The following EIF4ENIF1 variants were observed in gnomAD, a reference collection of about 807,000 sequenced individuals.
The protein encoded by EIF4ENIF1 is eukaryotic translation initiation factor 4E nuclear import factor 1, also known as eukaryotic translation initiation factor 4E transporter.
A neutral mutation model predicts 110.5 loss-of-function variants in EIF4ENIF1; 23 were observed. The observed-to-expected ratio is 0.21, with a 90% CI of 0.15 to 0.29. EIF4ENIF1 has a LOEUF of 0.29. Ranked by LOEUF, EIF4ENIF1 falls within the 10% of genes least tolerant of loss-of-function variation. The probability of loss-of-function intolerance (pLI) is 1.00; values close to 1 mark genes in which losing one functional copy is unlikely to be tolerated. For synonymous variants in EIF4ENIF1, 440 were observed against 437.0 expected (o/e 1.01, Z -0.09); for missense variants, 1,031 against 1,221.1 (o/e 0.84, Z 2.32).
At chr22:31,485,177 G>A (rs9609293) in intron 2 of EIF4ENIF1, among the ~76,000 whole-genome samples, 1 of 152,172 alleles carries the variant, frequency 6.6e-6, no homozygotes, top group African/African-American at 2.4e-5. Flanking sequence ...CTTAAGAGTA[G>A]AAAGTAAACC....
rs947466155 is a variant in EIF4ENIF1 at position 31,443,049 on chromosome 22, C to G, written c.2119G>C (p.Glu707Gln). The G allele has an allele frequency of 3.1e-6, 5 of 1,613,972 alleles. No individual in the cohort carries two copies. In the Admixed American group the frequency reaches 5.0e-5, roughly 16 times the overall value. Residue 707 changes from glutamate to glutamine, a missense_variant, in exon 16 of 19, where the codon GAG becomes CAG. Transcript: ENST00000330125. ...TCCTCCTTGCTTTTCTCTTTGCTCT[C>G]GTACATCTTACGAATCACTGAGGTA... is the stretch of plus-strand genomic sequence containing the variant. The part of the protein sequence containing the change: ...TPTSVIRKMY[E>Q]SKEKSKEEPA...
chr22:31,486,284 TAAAAATAA>T (rs2052024285), intron 2 of EIF4ENIF1, among the ~76,000 whole-genome samples: 1 of 150,340 alleles, frequency 6.7e-6, no homozygotes, highest in Non-Finnish European at 1.5e-5. Context: ...AAAAAAAAAA[TAAAAATAA>T]AAATAAAAAT....
chr22:31,483,340 C>T (rs2051900220), intron 2 of EIF4ENIF1, among the ~76,000 whole-genome samples: 1 of 150,210 alleles, frequency 6.7e-6, no homozygotes, highest in African/African-American at 2.4e-5. Flanking sequence ...GCTGAGACTA[C>T]AGGCAATACG....
Position 31,449,491 on chromosome 22 carries a change from T to C in EIF4ENIF1, c.1625A>G (p.Asn542Ser), listed in dbSNP as rs1356657885. ...GCTCCCCATAAGGCCACTCAGAAGA[T>C]TGGAAGAAGCAGGTCTCTGAACTGG... ...GQPVQRPASS[N>S]LLSGLMGSLE... Residue 542 changes from asparagine (N) to serine (S), a missense_variant, in exon 12 of 19, where the codon AAT becomes AGT. Physicochemically the swap from Asn to Ser is conservative, Grantham distance 46. Transcript: ENST00000330125. 3 of 1,613,964 alleles carry C rather than the reference T, an allele frequency of 1.9e-6. No homozygotes were observed. Among genetic ancestry groups the C allele is most frequent in the Admixed American group, 3.3e-5 (2 of 59,998 alleles).
At chr22:31,438,282 AG>A, downstream of EIF4ENIF1, among the ~76,000 whole-genome samples, 1 of 152,344 alleles carries the variant, frequency 6.6e-6, no homozygotes, top group Admixed American at 6.5e-5. Context: ...CAGTTAGGAA[AG>A]GGGACTCAGA....
chr22:31,488,781 A>G, intron 1 of EIF4ENIF1, 36 bp from the exon 2 acceptor site: 8 of 1,560,094 alleles, frequency 5.1e-6, no homozygotes, highest in Non-Finnish European at 6.9e-6. Context: ...GTCACCGAGA[A>G]CAGTAAGTTT....
intron 2 of EIF4ENIF1, among the ~76,000 whole-genome samples, chr22:31,485,228 T>C (rs2051974662): frequency 6.6e-6 from 1 of 152,152 alleles, no homozygotes; most frequent in South Asian, 2.1e-4. Context: ...AAATCTAAGC[T>C]CCACTGTCAT....
chr22:31,444,349 A>G (rs2050395580), intron 15 of EIF4ENIF1: 1 of 391,392 alleles, frequency 2.6e-6, no homozygotes, highest in Non-Finnish European at 4.9e-6. Context: ...TGAACATACT[A>G]TATCACCTCG....
intron 6 of EIF4ENIF1, among the ~76,000 whole-genome samples, chr22:31,462,527 A>T (rs1051699947): frequency 6.6e-6 from 1 of 152,086 alleles, no homozygotes; most frequent in African/African-American, 2.4e-5. Context: ...ATCATGAAAA[A>T]CTTGCCATTT....
rs748945151 is a variant in EIF4ENIF1 at position 31,447,479 on chromosome 22, C to T, written c.1935G>A (p.Gln645=). Residue 645 remains glutamine (Q), a synonymous_variant, in exon 14 of 19, where the codon CAG becomes CAA. Coordinates refer to ENST00000330125, the MANE Select transcript of EIF4ENIF1 (RefSeq NM_019843.4). Reference sequence around the variant, plus strand: ...CCACCTGTGGTTTGCCAAAACCAGGCTGGTAGAAGTTTGCTGCCTGTACAG... The same window carrying T: ...CCACCTGTGGTTTGCCAAAACCAGGTTGGTAGAAGTTTGCTGCCTGTACAG... ...DLAVQAANFY[Q]PGFGKPQVDR... is the part of the protein sequence containing the mutation. 1 of 1,613,236 alleles carries T rather than the reference C, an allele frequency of 6.2e-7. No individual in the cohort carries two copies. The highest frequency in any genetic ancestry group is 8.5e-7 in the Non-Finnish European group (1 of 1,179,776).
chr22:31,439,673 G>T lies in EIF4ENIF1; in HGVS notation c.*207C>A. On this transcript the variant is annotated 3_prime_UTR_variant, in exon 19 of 19. Transcript: ENST00000330125. ...CCATTTCCAGGATTGACAACATTGTGCATCCTGTATTCAGACAATGTACAC... is the reference window on the plus strand; with the variant it reads ...CCATTTCCAGGATTGACAACATTGTTCATCCTGTATTCAGACAATGTACAC... The T allele has an allele frequency of 3.1e-6, 2 of 641,300 alleles. No individual in the cohort carries two copies. The highest frequency in any genetic ancestry group is 5.1e-6 in the Non-Finnish European group (2 of 391,568). The allele number at this position is 641,300 out of a possible 1,614,324, so 39.7% of individuals were successfully genotyped here.
At position 31,488,748 on chromosome 22, in the gene EIF4ENIF1, G is replaced by A. The variant is rs1353865359; in HGVS notation, c.-27-3C>T. The A allele has an allele frequency of 1.9e-6, 3 of 1,598,326 alleles. No individual in the cohort carries two copies. The highest frequency in any genetic ancestry group is 1.8e-5 in the Admixed American group (1 of 56,184). ...CCTTGGTCTACAATGCTCTGCACCT[G>A]GAAGATAAATCGGCACAAAATTGTC... On this transcript the variant is annotated splice_region_variant and splice_polypyrimidine_tract_variant and intron_variant, in intron 1 of 18. Coordinates refer to ENST00000330125, the MANE Select transcript of EIF4ENIF1 (RefSeq NM_019843.4).
At chr22:31,455,825 C>T in intron 8 of EIF4ENIF1, 27 bp downstream of exon 8, 1 of 1,612,564 alleles carries the variant, frequency 6.2e-7, no homozygotes, top group Non-Finnish European at 8.5e-7. Flanking sequence ...GGTTTACCTT[C>T]AAGGGCAGAA....
At chr22:31,443,220 A>T in intron 15 of EIF4ENIF1, 126 bp from the exon 16 acceptor site, 3 of 1,347,922 alleles carry the variant, frequency 2.2e-6, no homozygotes, top group Non-Finnish European at 3.0e-6. Context: ...CAACTGTAGT[A>T]TTCTGTTCTG....
rs1406601643 is a variant in EIF4ENIF1, at chr22:31,458,602, A to G, written c.836T>C (p.Val279Ala). 5 of 1,612,574 alleles carry G rather than the reference A, an allele frequency of 3.1e-6. No individual in the cohort carries two copies. The highest frequency in any genetic ancestry group is 3.4e-6 in the Non-Finnish European group (4 of 1,179,196). ...GGVAEEDEVE[V>A]ILAQEPAADQ... is the part of the protein sequence containing the mutation. ...AGCCGCAGGCTCCTGTGCAAGGATGACCTCCACTTCATCCTCTTCGGCCAC... is the reference window on the plus strand; with the variant it reads ...AGCCGCAGGCTCCTGTGCAAGGATGGCCTCCACTTCATCCTCTTCGGCCAC... The change falls in exon 7 of 19, where the codon GTC (valine) becomes GCC (alanine). Residue 279 changes from valine to alanine, a missense_variant. By Grantham distance (64) the Val-to-Ala change is moderately conservative. This residue lies in a region of EIF4ENIF1 where 704 missense variants were observed against 879.7 expected (regional missense o/e 0.80). Coordinates refer to ENST00000330125, the MANE Select transcript of EIF4ENIF1 (RefSeq NM_019843.4).
intron 11 of EIF4ENIF1, 54 bp from the exon 12 acceptor site, chr22:31,449,585 G>A (rs1044700824): frequency 1.1e-4 from 165 of 1,535,014 alleles, no homozygotes; most frequent in Non-Finnish European, 1.3e-4. Context: ...TCTACTCAGA[G>A]GCTGTGAATT....
intron 6 of EIF4ENIF1, among the ~76,000 whole-genome samples, chr22:31,461,296 G>T (rs751829449): frequency 6.6e-6 from 1 of 152,146 alleles, no homozygotes; most frequent in Non-Finnish European, 1.5e-5. Context: ...GGCCACCTTA[G>T]AGCCAGGTCA....
intron 10 of EIF4ENIF1, among the ~76,000 whole-genome samples, chr22:31,451,803 T>A (rs1480061457): frequency 6.6e-6 from 1 of 152,028 alleles, no homozygotes; most frequent in Non-Finnish European, 1.5e-5. Context: ...GTGGTTACAT[T>A]TTGTGCATCC....
chr22:31,464,788 T>G (rs1301504354), intron 4 of EIF4ENIF1, among the ~76,000 whole-genome samples: 1 of 128,682 alleles, frequency 7.8e-6, no homozygotes, highest in Non-Finnish European at 1.6e-5. Context: ...AACCTAAAAC[T>G]AAAAATTTCT....
Sources: allele counts gnomAD v4.1 joint callset (sites outside exome capture counted in the v4.1 genomes callset), GRCh38; gene constraint gnomAD v4.1.1; regional missense constraint gnomAD v4.1.1; transcripts MANE v1.5; gene names NCBI Gene and HGNC (gene_info 2026-07-23, HGNC 2026-07-21).